The following CNTN4 variants were observed in gnomAD, a reference collection of about 807,000 sequenced individuals.
CNTN4 encodes contactin 4.
CNTN4 carries 77 observed loss-of-function variants against 122.5 expected under a neutral mutation model. The observed-to-expected ratio is 0.63, with a 90% CI of 0.52 to 0.76. The LOEUF (loss-of-function observed/expected upper bound fraction) is 0.76, where lower values mean the gene tolerates loss of function less well. Among genes scored for constraint, CNTN4 ranks in the 30% least tolerant of loss-of-function variants. CNTN4 has a pLI of 0.00. For missense variants in CNTN4, 1,256 were observed against 1,259.1 expected, an observed-to-expected ratio of 1.00 and a Z score of 0.04; for synonymous variants, 512 against 447.0, an observed-to-expected ratio of 1.15 and a Z score of -1.83.
At chr3:3,045,125 A>C (rs1559830403) in intron 23 of CNTN4, among the ~76,000 whole-genome samples, 1 of 152,144 alleles carries the variant, frequency 6.6e-6, no homozygotes, top group Non-Finnish European at 1.5e-5. Flanking sequence ...TGAGTAGGTA[A>C]ATAGCGGCCT....
At chr3:2,724,093 T>A (rs535042513) in intron 4 of CNTN4, among the ~76,000 whole-genome samples, 1 of 152,338 alleles carries the variant, frequency 6.6e-6, no homozygotes, top group South Asian at 2.1e-4. Flanking sequence ...GGGTTATCTT[T>A]TGAGGAAGGG....
At chr3:2,930,745 G>C (rs1158229954) in intron 13 of CNTN4, among the ~76,000 whole-genome samples, 1 of 152,270 alleles carries the variant, frequency 6.6e-6, no homozygotes, top group Non-Finnish European at 1.5e-5. Context: ...GCCAATTCCA[G>C]TTTCATTCCA....
At chr3:2,173,582 G>C (rs1233169017) in intron 2 of CNTN4, among the ~76,000 whole-genome samples, 1 of 152,166 alleles carries the variant, frequency 6.6e-6, no homozygotes, top group Non-Finnish European at 1.5e-5. Context: ...ATTCCTGAGA[G>C]TTGGATCAGT....
intron 4 of CNTN4, among the ~76,000 whole-genome samples, chr3:2,637,650 C>G (rs2082721119): frequency 6.6e-6 from 1 of 152,098 alleles, no homozygotes; most frequent in Non-Finnish European, 1.5e-5. Context: ...TTGAATTCAT[C>G]CTCTTGATTA....
intron 15 of CNTN4, among the ~76,000 whole-genome samples, chr3:3,029,237 G>C (rs1252678957): frequency 2.6e-5 from 4 of 152,112 alleles, no homozygotes; most frequent in African/African-American, 4.8e-5. Flanking sequence ...TAACATCTTG[G>C]ACATGTCTGT....
intron 13 of CNTN4, among the ~76,000 whole-genome samples, chr3:2,939,163 G>T (rs2094591295): frequency 1.3e-5 from 2 of 152,302 alleles, no homozygotes; most frequent in South Asian, 2.1e-4. Flanking sequence ...AGATATGCCA[G>T]AGTTAATTAG....
chr3:2,820,331 A>G (rs917155836), intron 7 of CNTN4, among the ~76,000 whole-genome samples: 9 of 152,210 alleles, frequency 5.9e-5, no homozygotes, highest in Admixed American at 1.3e-4. Context: ...AAGGATACGT[A>G]TGAACAGCCC....
chr3:2,651,550 C>A (rs2083358815), intron 4 of CNTN4, among the ~76,000 whole-genome samples: 1 of 152,022 alleles, frequency 6.6e-6, no homozygotes. Flanking sequence ...GATTGAGTAG[C>A]ATTATCAAAA....
intron 14 of CNTN4, among the ~76,000 whole-genome samples, chr3:3,011,787 C>T (rs974577296): frequency 6.6e-6 from 1 of 152,022 alleles, no homozygotes; most frequent in Non-Finnish European, 1.5e-5. Flanking sequence ...CTAAATTTTC[C>T]TCTCCCCGCC....
intron 3 of CNTN4, among the ~76,000 whole-genome samples, chr3:2,450,640 T>G (rs752103430): frequency 1.1e-4 from 16 of 152,142 alleles, no homozygotes; most frequent in Non-Finnish European, 1.9e-4. Flanking sequence ...AAAAAAGAAC[T>G]AAGGAGCCAA....
At chr3:2,921,042 C>G (rs1362745895) in intron 12 of CNTN4, among the ~76,000 whole-genome samples, 1 of 152,130 alleles carries the variant, frequency 6.6e-6, no homozygotes, top group Non-Finnish European at 1.5e-5. Flanking sequence ...TAAGAGAGCA[C>G]TGACTTGTTT....
At chr3:2,736,376 A>G (rs367969589) in intron 5 of CNTN4, 35 bp downstream of exon 5, 12 of 1,597,694 alleles carry the variant, frequency 7.5e-6, no homozygotes, top group South Asian at 6.6e-5. Context: ...TTCCATGCAT[A>G]TAGTTTCTGT....
chr3:2,819,656 A>G lies in CNTN4; in HGVS notation c.454+75A>G. On this transcript the variant is annotated intron_variant, in intron 7 of 24. Transcript: ENST00000418658. ...CTTCCTCAATGTTCTCCCTCCTGAC[A>G]CCAGCTGAGTGCACAGTGTCATTTA... is the stretch of plus-strand genomic sequence containing the variant. The G allele has an allele frequency of 2.7e-6, 3 of 1,099,476 alleles. No individual in the cohort carries two copies. In the South Asian group the frequency reaches 3.8e-5, roughly 14 times the overall value. The allele number at this position is 1,099,476 out of a possible 1,614,324, so 68.1% of individuals were successfully genotyped here. A position where few individuals can be genotyped will look rare whatever the true frequency, so the allele number is the denominator to read the frequency against.
At chr3:2,320,448 C>T (rs1191039763) in intron 2 of CNTN4, among the ~76,000 whole-genome samples, 2 of 152,012 alleles carry the variant, frequency 1.3e-5, no homozygotes, top group Non-Finnish European at 2.9e-5. Context: ...CTTCATTTAC[C>T]TTTCCCTTTT....
rs139561846 is a variant in CNTN4, at chr3:2,551,067, G to A, written c.-88-20349G>A. Among the ~76,000 whole-genome samples the A allele has an allele frequency of 3.3e-3, 495 of 151,962 alleles. 3 individuals are homozygous for A. Among genetic ancestry groups the A allele is most frequent in the African/African-American group, 0.011 (445 of 41,472 alleles). ...GTATACCTATGTAACAAACCTGCACGTTCTGCACATGTATCCCAGAACTTA... is the reference window on the plus strand; with the variant it reads ...GTATACCTATGTAACAAACCTGCACATTCTGCACATGTATCCCAGAACTTA... On this transcript the variant is annotated intron_variant, in intron 3 of 24. Coordinates refer to ENST00000418658, the MANE Select transcript of CNTN4 (RefSeq NM_175607.3).
At chr3:2,877,871 A>G (rs1269584378) in intron 8 of CNTN4, among the ~76,000 whole-genome samples, 2 of 152,240 alleles carry the variant, frequency 1.3e-5, no homozygotes, top group Non-Finnish European at 2.9e-5. Context: ...TTTTAAATTT[A>G]ATGCAGAAAG....
intron 4 of CNTN4, among the ~76,000 whole-genome samples, chr3:2,604,956 A>G (rs2081195577): frequency 6.6e-6 from 1 of 152,182 alleles, no homozygotes; most frequent in Non-Finnish European, 1.5e-5. Flanking sequence ...TCTATATTGT[A>G]GGGGAGATCT....
In CNTN4 at chr3:3,001,294, G is replaced by A. The variant is rs80325802; in HGVS notation, c.1486+12822G>A. ...GAAAAATAAGGAGTGGAGGATCAAC[G>A]CAATAGGTGTACATCCTTCACTCTT... On this transcript the variant is annotated intron_variant, in intron 14 of 24. Transcript: ENST00000418658. 2.1e-4 allele frequency among the ~76,000 whole-genome samples: 32 copies of A among 152,280 alleles called. No individual in the cohort carries two copies. In the East Asian group the frequency reaches 6.2e-3, roughly 29 times the overall value.
intron 2 of CNTN4, among the ~76,000 whole-genome samples, chr3:2,334,467 C>G (rs757742864): frequency 6.6e-6 from 1 of 152,090 alleles, no homozygotes; most frequent in Non-Finnish European, 1.5e-5. Flanking sequence ...CCCATTTTAT[C>G]TTTTGAAGAA....
Sources: allele counts gnomAD v4.1 joint callset (sites outside exome capture counted in the v4.1 genomes callset), GRCh38; gene constraint gnomAD v4.1.1; transcripts MANE v1.5; gene names NCBI Gene and HGNC (gene_info 2026-07-23, HGNC 2026-07-21).